The following ANKFN1 variants were observed in gnomAD, a reference collection of about 807,000 sequenced individuals.
The protein encoded by ANKFN1 is ankyrin repeat and fibronectin type III domain containing 1, also known as ankyrin repeat and fibronectin type-III domain-containing protein 1.
Under a neutral mutation model 108.7 loss-of-function variants are expected in ANKFN1, and 74 were observed. The ratio of observed to expected loss-of-function variants is 0.68; its 90% CI spans 0.56 to 0.83. ANKFN1 has a LOEUF of 0.83. Ranked by LOEUF, ANKFN1 falls within the 40% of genes least tolerant of loss-of-function variation. ANKFN1 has a pLI of 0.00. For synonymous variants in ANKFN1, 547 were observed against 516.2 expected (o/e 1.06, Z -0.81); for missense variants, 1,505 against 1,382.3 (o/e 1.09, Z -1.41).
chr17:56,074,558 T>C (rs1256787501), intron 4 of ANKFN1, among the ~76,000 whole-genome samples: 1 of 152,186 alleles, frequency 6.6e-6, no homozygotes, highest in Non-Finnish European at 1.5e-5. Context: ...GTGAGGGATT[T>C]CATAGGGCTG....
chr17:56,157,954 T>C (rs748301475), intron 1 of ANKFN1, among the ~76,000 whole-genome samples: 4 of 152,214 alleles, frequency 2.6e-5, no homozygotes, highest in Non-Finnish European at 5.9e-5. Context: ...ATAAATATAG[T>C]GCCATGTATT....
chr17:56,509,755 A>T (rs189762639), intron 20 of ANKFN1, among the ~76,000 whole-genome samples: 1 of 152,244 alleles, frequency 6.6e-6, no homozygotes, highest in African/African-American at 2.4e-5. Flanking sequence ...GAAGAAAAGC[A>T]TTCCTTCTAG....
At chr17:56,271,091 C>T (rs1461904006) in intron 3 of ANKFN1, among the ~76,000 whole-genome samples, 2 of 152,064 alleles carry the variant, frequency 1.3e-5, no homozygotes, top group Non-Finnish European at 2.9e-5. Flanking sequence ...CTCACTGCAA[C>T]CTCTGCCTTC....
In ANKFN1 at chr17:56,114,123, A is replaced by G. The variant is rs186766340; in HGVS notation, c.288+67798A>G. Among the ~76,000 whole-genome samples the G allele has an allele frequency of 2.8e-4, 43 of 152,338 alleles. No individual in the cohort carries two copies. In the East Asian group the frequency reaches 7.9e-3, roughly 28 times the overall value. ...CCAACTGCAAGTCCATGTTTCCTCC[A>G]TATTCATATTTTCTATATTACTCTT... On this transcript the variant is annotated intron_variant, in intron 4 of 12. Transcript: ENST00000635860.
intron 3 of ANKFN1, among the ~76,000 whole-genome samples, chr17:56,314,484 A>G (rs993079850): frequency 1.3e-5 from 2 of 152,186 alleles, no homozygotes; most frequent in African/African-American, 4.8e-5. Flanking sequence ...ATTTTATTTT[A>G]TAATTCTCTG....
intron 4 of ANKFN1, among the ~76,000 whole-genome samples, chr17:56,112,845 C>A (rs1432932881): frequency 1.3e-5 from 2 of 152,112 alleles, no homozygotes; most frequent in African/African-American, 4.8e-5. Context: ...TTAGATGGTT[C>A]CTATTTCTTC....
chr17:56,489,450 TAA>T (rs79704215), intron 18 of ANKFN1, among the ~76,000 whole-genome samples: 17,037 of 140,138 alleles, frequency 0.12, 1,305 homozygotes, highest in African/African-American at 0.23. Flanking sequence ...GGTCTGGATT[TAA>T]AAAAAAAAAA....
chr17:56,060,866 A>G (rs928629387), intron 4 of ANKFN1, among the ~76,000 whole-genome samples: 5 of 152,242 alleles, frequency 3.3e-5, no homozygotes, highest in African/African-American at 9.6e-5. Flanking sequence ...ATCGATGTTC[A>G]ACAGGGATAT....
chr17:56,133,572 GTA>G (rs1907415612), intron 4 of ANKFN1, among the ~76,000 whole-genome samples: 1 of 134,102 alleles, frequency 7.5e-6, no homozygotes, highest in Non-Finnish European at 1.6e-5. Flanking sequence ...GTGTGTGTGT[GTA>G]CACATATCTA....
intron 3 of ANKFN1, among the ~76,000 whole-genome samples, chr17:56,300,228 G>A (rs1307407936): frequency 6.6e-6 from 1 of 152,150 alleles, no homozygotes; most frequent in Non-Finnish European, 1.5e-5. Context: ...AAGAATCAGA[G>A]CATGAGTTTG....
chr17:56,334,231 C>A (rs368294492), intron 4 of ANKFN1, among the ~76,000 whole-genome samples: 4 of 151,710 alleles, frequency 2.6e-5, no homozygotes, highest in South Asian at 4.2e-4. Context: ...ACTGAATATT[C>A]CATGTGTATA....
At chr17:56,373,512 G>C (rs959626617) in intron 7 of ANKFN1, among the ~76,000 whole-genome samples, 1 of 152,152 alleles carries the variant, frequency 6.6e-6, no homozygotes, top group Non-Finnish European at 1.5e-5. Context: ...GAAGGAGATC[G>C]TAACTAAACA....
At chr17:56,418,438 G>A (rs962425006) in intron 8 of ANKFN1, among the ~76,000 whole-genome samples, 2 of 152,158 alleles carry the variant, frequency 1.3e-5, no homozygotes, top group Non-Finnish European at 2.9e-5. Flanking sequence ...GAGTAATGCA[G>A]AGTGAAGAAA....
intron 8 of ANKFN1, among the ~76,000 whole-genome samples, chr17:56,396,746 A>T (rs1410942321): frequency 6.6e-6 from 1 of 152,122 alleles, no homozygotes; most frequent in African/African-American, 2.4e-5. Context: ...CTCCTAATGA[A>T]TGAGGAACCT....
At chr17:56,193,353 G>A (rs1913176401) in intron 1 of ANKFN1, among the ~76,000 whole-genome samples, 1 of 148,624 alleles carries the variant, frequency 6.7e-6, no homozygotes, top group African/African-American at 2.5e-5. Context: ...GTATACATAT[G>A]TAACTAACCT....
chr17:56,333,002 T>TATATATATATATATATATATATATATA (rs2045707564), intron 4 of ANKFN1, among the ~76,000 whole-genome samples: 1 of 151,190 alleles, frequency 6.6e-6, no homozygotes, highest in African/African-American at 2.4e-5. Flanking sequence ...TATATATATC[T>TATATATATATATATATATATATATATA]TCTTTAATTT....
chr17:56,208,590 A>T (rs1271642352), intron 1 of ANKFN1, among the ~76,000 whole-genome samples: 1 of 152,124 alleles, frequency 6.6e-6, no homozygotes, highest in Admixed American at 6.5e-5. Flanking sequence ...GCAGTTCCTC[A>T]TGATATCCGC....
intron 4 of ANKFN1, among the ~76,000 whole-genome samples, chr17:56,097,604 G>A (rs188706397): frequency 1.9e-4 from 29 of 152,164 alleles, no homozygotes; most frequent in African/African-American, 6.3e-4. Context: ...GTCTCTCTCC[G>A]CAGTCTAAGC....
intron 3 of ANKFN1, among the ~76,000 whole-genome samples, chr17:56,279,262 T>G (rs16957044): frequency 0.043 from 6,492 of 152,290 alleles, 470 homozygotes; most frequent in African/African-American, 0.15. Context: ...AATTTCCATT[T>G]TCTAAACAGA....
Sources: allele counts gnomAD v4.1 joint callset (sites outside exome capture counted in the v4.1 genomes callset), GRCh38; gene constraint gnomAD v4.1.1; transcripts MANE v1.5; gene names NCBI Gene and HGNC (gene_info 2026-07-23, HGNC 2026-07-21).